PTTG1IP2: variants seen among roughly 807,000 people sequenced by gnomAD.
The protein encoded by PTTG1IP2 is PTTG1IP family member 2.
In PTTG1IP2 at chr7:90,479,092, A is replaced by C. The variant is rs1797785577; in HGVS notation, c.146-136A>C. The C allele has an allele frequency of 2.0e-5, 3 of 152,546 alleles. No homozygotes were observed. In the South Asian group the frequency reaches 6.2e-4, roughly 32 times the overall value. 9.4% of individuals were successfully genotyped at this position (152,546 alleles called of 1,614,324 possible). A position where few individuals can be genotyped will look rare whatever the true frequency, so the allele number is the denominator to read the frequency against. On this transcript the variant is annotated intron_variant, in intron 1 of 6. Coordinates refer to ENST00000509356, the MANE Select transcript of PTTG1IP2 (RefSeq NM_001365443.2). Reference sequence around the variant, plus strand: ...ACTGGTAGGGATCTAGATACATGAAAATAATGAAGTAAAATGCTGGGGTAT... The same window carrying C: ...ACTGGTAGGGATCTAGATACATGAACATAATGAAGTAAAATGCTGGGGTAT...
At chr7:90,510,519 G>C (rs188704176) in intron 6 of PTTG1IP2, among the ~76,000 whole-genome samples, 419 of 152,208 alleles carry the variant, frequency 2.8e-3, no homozygotes, top group Non-Finnish European at 3.8e-3. Context: ...GTGTGTGCAC[G>C]CACATGCATG....
At chr7:90,479,204 G>A (rs1019938854) in intron 1 of PTTG1IP2, 24 bp from the exon 2 acceptor site, 1 of 152,464 alleles carries the variant, frequency 6.6e-6, no homozygotes, top group African/African-American at 2.4e-5. Flanking sequence ...GATTAATTTT[G>A]GACTTAATTT....
chr7:90,492,790 C>T (rs1327572035), intron 5 of PTTG1IP2, among the ~76,000 whole-genome samples: 3 of 152,162 alleles, frequency 2.0e-5, no homozygotes, highest in African/African-American at 7.2e-5. Flanking sequence ...AAAAGATGAC[C>T]GTTGTCTTCA....
chr7:90,495,723 A>G (rs1231160714), intron 6 of PTTG1IP2, among the ~76,000 whole-genome samples: 1 of 152,218 alleles, frequency 6.6e-6, no homozygotes, highest in Non-Finnish European at 1.5e-5. Context: ...AAAGTTTAGT[A>G]GAGTGACCAT....
chr7:90,503,644 T>C (rs771667629), intron 6 of PTTG1IP2, among the ~76,000 whole-genome samples: 30 of 152,304 alleles, frequency 2.0e-4, no homozygotes, highest in Non-Finnish European at 2.8e-4. Flanking sequence ...AAGAGAAAGA[T>C]TGGGGAACGG....
At chr7:90,509,543 T>C (rs1798161451) in intron 6 of PTTG1IP2, among the ~76,000 whole-genome samples, 1 of 152,082 alleles carries the variant, frequency 6.6e-6, no homozygotes, top group Non-Finnish European at 1.5e-5. Context: ...GAATTAGTAG[T>C]GATAGCAAGA....
chr7:90,481,461 A>G (rs990998051), intron 2 of PTTG1IP2, among the ~76,000 whole-genome samples: 7 of 152,158 alleles, frequency 4.6e-5, no homozygotes, highest in East Asian at 1.9e-4. Context: ...AATACTACCT[A>G]TCACTTGCTT....
intron 6 of PTTG1IP2, among the ~76,000 whole-genome samples, chr7:90,503,258 G>A (rs937763193): frequency 6.6e-6 from 1 of 152,164 alleles, no homozygotes; most frequent in Non-Finnish European, 1.5e-5. Context: ...GGCCTTGTCT[G>A]TGTTAGACTT....
At chr7:90,492,516 A>G (rs1797950469) in intron 5 of PTTG1IP2, among the ~76,000 whole-genome samples, 1 of 152,194 alleles carries the variant, frequency 6.6e-6, no homozygotes, top group African/African-American at 2.4e-5. Context: ...CATTGCATAC[A>G]TATTGCGCCA....
chr7:90,480,822 A>G (rs1797807471), intron 2 of PTTG1IP2, among the ~76,000 whole-genome samples: 1 of 151,996 alleles, frequency 6.6e-6, no homozygotes, highest in South Asian at 2.1e-4. Context: ...TTTGCAACTT[A>G]CTTGTTGGAG....
intron 6 of PTTG1IP2, among the ~76,000 whole-genome samples, chr7:90,505,561 G>C (rs1234526155): frequency 6.6e-6 from 1 of 152,192 alleles, no homozygotes. Context: ...TTAACCTACT[G>C]TTTCCTTCTG....
chr7:90,490,885 A>G (rs1339482282), intron 4 of PTTG1IP2, among the ~76,000 whole-genome samples: 1 of 151,978 alleles, frequency 6.6e-6, no homozygotes, highest in Admixed American at 6.6e-5. Flanking sequence ...TCATCCAACA[A>G]CTGTACTCAG....
chr7:90,474,993 A>G (rs901690229), intron 1 of PTTG1IP2, among the ~76,000 whole-genome samples: 3 of 152,228 alleles, frequency 2.0e-5, no homozygotes, highest in African/African-American at 7.2e-5. Context: ...GTAGACAGTG[A>G]GACTCAATGG....
chr7:90,501,790 G>A (rs1481151839), intron 6 of PTTG1IP2, among the ~76,000 whole-genome samples: 1 of 152,158 alleles, frequency 6.6e-6, no homozygotes, highest in East Asian at 1.9e-4. Flanking sequence ...GCCTGATCAG[G>A]GTGGTGGTTG....
At chr7:90,479,114 G>T (rs1408983674) in intron 1 of PTTG1IP2, 114 bp from the exon 2 acceptor site, 1 of 152,520 alleles carries the variant, frequency 6.6e-6, no homozygotes, top group Non-Finnish European at 1.5e-5. Context: ...AAATGCTGGG[G>T]TATGGATGAC....
intron 6 of PTTG1IP2, among the ~76,000 whole-genome samples, chr7:90,513,006 G>A (rs1039894028): frequency 6.6e-6 from 1 of 152,184 alleles, no homozygotes; most frequent in Non-Finnish European, 1.5e-5. Flanking sequence ...ATTCCCTTTC[G>A]TGTTGGCAGA....
intron 1 of PTTG1IP2, among the ~76,000 whole-genome samples, chr7:90,477,209 C>T (rs1017240346): frequency 6.6e-6 from 1 of 152,072 alleles, no homozygotes; most frequent in South Asian, 2.1e-4. Context: ...AAACATCAGG[C>T]CTTGAGGGTG....
intron 6 of PTTG1IP2, among the ~76,000 whole-genome samples, chr7:90,507,326 C>A (rs961585822): frequency 6.6e-6 from 1 of 152,110 alleles, no homozygotes; most frequent in African/African-American, 2.4e-5. Context: ...ATGTGACAAG[C>A]ATTTTTGAGG....
At chr7:90,505,812 G>A (rs1402585301) in intron 6 of PTTG1IP2, among the ~76,000 whole-genome samples, 3 of 151,422 alleles carry the variant, frequency 2.0e-5, no homozygotes, top group South Asian at 2.1e-4. Context: ...GTGAAACCCC[G>A]TCTCTACTAA....
Sources: allele counts gnomAD v4.1 joint callset (sites outside exome capture counted in the v4.1 genomes callset), GRCh38; gene constraint gnomAD v4.1.1; transcripts MANE v1.5; gene names NCBI Gene and HGNC (gene_info 2026-07-23, HGNC 2026-07-21).